RBFOX1: variants seen among roughly 807,000 people sequenced by gnomAD.
RBFOX1 encodes RNA binding protein fox-1 homolog 1.
RBFOX1 carries 8 observed loss-of-function variants against 57.7 expected under a neutral mutation model. The observed-to-expected ratio is 0.14, with a 90% CI of 0.08 to 0.25. The LOEUF is 0.25. Among genes scored for constraint, RBFOX1 ranks in the 10% least tolerant of loss-of-function variants. RBFOX1 has a pLI of 1.00. For synonymous variants in RBFOX1, 326 were observed against 222.4 expected, an observed-to-expected ratio of 1.47 and a Z score of -4.15; for missense variants, 611 against 548.5, an observed-to-expected ratio of 1.11 and a Z score of -1.14.
chr16:6,945,132 G>A (rs777783014), intron 3 of RBFOX1, among the ~76,000 whole-genome samples: 1 of 152,136 alleles, frequency 6.6e-6, no homozygotes, highest in Non-Finnish European at 1.5e-5. Context: ...CGCAGAGGTA[G>A]GGGCACAGTA....
intron 1 of RBFOX1, among the ~76,000 whole-genome samples, chr16:5,464,027 C>T (rs537343113): frequency 5.3e-5 from 8 of 152,262 alleles, no homozygotes; most frequent in African/African-American, 1.7e-4. Context: ...GGATCAATAG[C>T]CCCGTGATGG....
intron 4 of RBFOX1, among the ~76,000 whole-genome samples, chr16:7,276,065 A>T (rs905579964): frequency 6.6e-6 from 1 of 152,200 alleles, no homozygotes; most frequent in Non-Finnish European, 1.5e-5. Flanking sequence ...GCAATAAAGA[A>T]ACTCCTAAAC....
At chr16:6,150,234 C>G (rs1051121633) in intron 1 of RBFOX1, among the ~76,000 whole-genome samples, 1 of 152,120 alleles carries the variant, frequency 6.6e-6, no homozygotes, top group Admixed American at 6.5e-5. Flanking sequence ...GATCTGTGTG[C>G]ACCTGAGGTC....
At chr16:6,103,387 C>A (rs970082763) in intron 1 of RBFOX1, among the ~76,000 whole-genome samples, 4 of 152,070 alleles carry the variant, frequency 2.6e-5, no homozygotes, top group Non-Finnish European at 4.4e-5. Context: ...AGATATCTAA[C>A]ATATGTCTGA....
At chr16:7,641,686 T>C (rs1451956621) in intron 11 of RBFOX1, among the ~76,000 whole-genome samples, 1 of 152,196 alleles carries the variant, frequency 6.6e-6, no homozygotes, top group African/African-American at 2.4e-5. Flanking sequence ...TAATTCCCAC[T>C]AGTGGTTTTA....
At chr16:5,577,264 G>T (rs767964586) in intron 2 of RBFOX1, among the ~76,000 whole-genome samples, 26 of 152,184 alleles carry the variant, frequency 1.7e-4, no homozygotes, top group Non-Finnish European at 3.2e-4. Flanking sequence ...GTCTGTTGAG[G>T]CTCCTGTTCG....
intron 3 of RBFOX1, among the ~76,000 whole-genome samples, chr16:6,780,244 CAT>C (rs1488732164): frequency 7.7e-5 from 3 of 38,834 alleles, no homozygotes; most frequent in African/African-American, 1.2e-4. Flanking sequence ...TATATATTTA[CAT>C]ATATATTTAT....
rs868402116 is a variant in RBFOX1 at position 7,062,914 on chromosome 16, T to A, written c.27+10816T>A. 7.0e-3 allele frequency among the ~76,000 whole-genome samples: 981 copies of A among 140,360 alleles called. 28 individuals are homozygous for A. Among genetic ancestry groups the A allele is most frequent in the African/African-American group, 0.026 (922 of 36,038 alleles). The allele number at this position is 140,360 out of a possible 152,430, so 92.1% of individuals were successfully genotyped here. A position where few individuals can be genotyped will look rare whatever the true frequency, so the allele number is the denominator to read the frequency against. Reference sequence around the variant, plus strand: ...CGCCATTTTTTTTTTTTTTTTTTTTTTTTTTTTTTTTTTTGCTGAAGTTAG... The same window carrying A: ...CGCCATTTTTTTTTTTTTTTTTTTTATTTTTTTTTTTTTTGCTGAAGTTAG... On this transcript the variant is annotated intron_variant, in intron 4 of 15. Transcript: ENST00000550418.
intron 4 of RBFOX1, among the ~76,000 whole-genome samples, chr16:7,157,930 TC>T (rs2077481067): frequency 6.6e-6 from 1 of 152,236 alleles, no homozygotes; most frequent in South Asian, 2.1e-4. Flanking sequence ...GTTTGCTTTT[TC>T]TTAATTAAGC....
intron 4 of RBFOX1, among the ~76,000 whole-genome samples, chr16:7,199,535 G>A (rs548251280): frequency 6.6e-6 from 1 of 152,152 alleles, no homozygotes; most frequent in Non-Finnish European, 1.5e-5. Context: ...CTCATGTTCA[G>A]AGGAATGGTA....
chr16:5,564,849 G>T (rs1271141701), intron 2 of RBFOX1, among the ~76,000 whole-genome samples: 1 of 152,120 alleles, frequency 6.6e-6, no homozygotes, highest in Non-Finnish European at 1.5e-5. Flanking sequence ...CATCGTGGCT[G>T]GGCATCTCAC....
At chr16:5,762,559 T>G (rs1252103854) in intron 3 of RBFOX1, among the ~76,000 whole-genome samples, 1 of 152,302 alleles carries the variant, frequency 6.6e-6, no homozygotes, top group South Asian at 2.1e-4. Flanking sequence ...TTTGGGAAAT[T>G]TCCCCGCGGG....
intron 3 of RBFOX1, among the ~76,000 whole-genome samples, chr16:5,823,227 A>C (rs1437009898): frequency 6.6e-6 from 1 of 152,174 alleles, no homozygotes; most frequent in Non-Finnish European, 1.5e-5. Context: ...TCACTTTGCT[A>C]TTCTAGCATA....
intron 3 of RBFOX1, among the ~76,000 whole-genome samples, chr16:7,046,573 C>G (rs965417231): frequency 3.2e-4 from 48 of 147,968 alleles, no homozygotes; most frequent in African/African-American, 1.2e-3. Flanking sequence ...CCACGTATGC[C>G]TCTTTGTTTC....
intron 4 of RBFOX1, among the ~76,000 whole-genome samples, chr16:7,453,366 G>T (rs1204961663): frequency 6.6e-6 from 1 of 152,130 alleles, no homozygotes; most frequent in Non-Finnish European, 1.5e-5. Flanking sequence ...TTGAGCTAGG[G>T]AGGTGGAGAG....
chr16:6,454,873 T>TGG (rs199499854), intron 2 of RBFOX1, among the ~76,000 whole-genome samples: 3 of 123,952 alleles, frequency 2.4e-5, no homozygotes, highest in African/African-American at 9.1e-5. Context: ...TTTTTTTTTT[T>TGG]TTTTTTTTTT....
chr16:6,091,492 A>G (rs1481818208), intron 1 of RBFOX1, among the ~76,000 whole-genome samples: 2 of 151,530 alleles, frequency 1.3e-5, no homozygotes, highest in African/African-American at 4.9e-5. Context: ...TTGTCACTTT[A>G]TCCTTTCACT....
chr16:6,419,032 G>A (rs1025993571), intron 2 of RBFOX1, among the ~76,000 whole-genome samples: 13 of 152,132 alleles, frequency 8.5e-5, no homozygotes, highest in South Asian at 6.2e-4. Flanking sequence ...CACTGTGGCC[G>A]TTTCTCCCAG....
At chr16:5,562,537 G>C (rs1178761940) in intron 2 of RBFOX1, among the ~76,000 whole-genome samples, 2 of 152,086 alleles carry the variant, frequency 1.3e-5, no homozygotes, top group Non-Finnish European at 2.9e-5. Context: ...AAGACCCCAG[G>C]GGTTGGTCTT....
Sources: allele counts gnomAD v4.1 joint callset (sites outside exome capture counted in the v4.1 genomes callset), GRCh38; gene constraint gnomAD v4.1.1; transcripts MANE v1.5; gene names NCBI Gene and HGNC (gene_info 2026-07-23, HGNC 2026-07-21).